TACC2: variants seen among roughly 807,000 people sequenced by gnomAD.
The protein encoded by TACC2 is transforming acidic coiled-coil containing protein 2, also known as transforming acidic coiled-coil-containing protein 2.
TACC2 carries 137 observed loss-of-function variants against 227.3 expected under a neutral mutation model. The ratio of observed to expected loss-of-function variants is 0.60; its 90% CI spans 0.52 to 0.69. The LOEUF (loss-of-function observed/expected upper bound fraction) is 0.69. Among genes scored for constraint, TACC2 ranks in the 30% least tolerant of loss-of-function variants. TACC2 has a pLI of 0.00. For synonymous variants in TACC2, 1,523 were observed against 1,487.5 expected, an observed-to-expected ratio of 1.02 and a Z score of -0.55; for missense variants, 3,470 against 3,694.4, an observed-to-expected ratio of 0.94 and a Z score of 1.57.
intron 3 of TACC2, among the ~76,000 whole-genome samples, chr10:122,055,294 T>C (rs1442647990): frequency 6.6e-6 from 1 of 151,442 alleles, no homozygotes; most frequent in Admixed American, 6.6e-5. Flanking sequence ...GTTACACGTG[T>C]GGGGTAGAGC....
intron 2 of TACC2, among the ~76,000 whole-genome samples, chr10:122,044,260 G>A (rs1026423424): frequency 6.6e-6 from 1 of 152,226 alleles, no homozygotes; most frequent in Admixed American, 6.5e-5. Context: ...CAGAGTGCCT[G>A]CTAGGTTAGG....
intron 5 of TACC2, among the ~76,000 whole-genome samples, chr10:122,106,992 CT>C (rs766692823): frequency 1.3e-5 from 2 of 152,226 alleles, no homozygotes; most frequent in Non-Finnish European, 2.9e-5. Flanking sequence ...AGGAAGACCC[CT>C]GATGGTCAGG....
chr10:122,214,721 G>A (rs965427977), intron 9 of TACC2, among the ~76,000 whole-genome samples: 10 of 152,062 alleles, frequency 6.6e-5, no homozygotes, highest in African/African-American at 2.4e-4. Flanking sequence ...TCTCAGCCCC[G>A]CTATTCATAT....
At chr10:122,041,484 T>C (rs1185748897) in intron 2 of TACC2, among the ~76,000 whole-genome samples, 1 of 151,916 alleles carries the variant, frequency 6.6e-6, no homozygotes, top group Non-Finnish European at 1.5e-5. Context: ...TCCTGCTTTG[T>C]CACCCAGGCT....
intron 7 of TACC2, among the ~76,000 whole-genome samples, chr10:122,156,735 T>A (rs187466529): frequency 3.9e-4 from 60 of 152,324 alleles, no homozygotes; most frequent in African/African-American, 1.4e-3. Flanking sequence ...CTCCATGACA[T>A]CCTCCTCCTT....
At chr10:122,241,862 C>A in intron 18 of TACC2, 96 bp from the exon 19 acceptor site, 1 of 1,160,380 alleles carries the variant, frequency 8.6e-7, no homozygotes, top group Non-Finnish European at 1.3e-6. Context: ...GAAGTTGGGG[C>A]CCTGCTGGAC....
rs1347965580 is a variant in TACC2, at chr10:122,150,866, AC to A, written c.5834+7161del. ...CCTGCCAGCCAGCCTCTCGGCAGAT[AC>A]ATCCCGGTTGATTCTATGCCACGGA... is the stretch of plus-strand genomic sequence containing the variant. On this transcript the variant is annotated intron_variant, in intron 7 of 22. Transcript: ENST00000369005. The surrounding 1 kb of genome is among the most constrained non-coding windows in gnomAD (Gnocchi z 4.0). Among the ~76,000 whole-genome samples, 1 of 152,180 alleles carries A rather than the reference AC, an allele frequency of 6.6e-6. No homozygotes were observed. The highest frequency in any genetic ancestry group is 1.5e-5 in the Non-Finnish European group (1 of 68,028).
At chr10:122,156,593 T>A (rs909679062) in intron 7 of TACC2, among the ~76,000 whole-genome samples, 1 of 152,236 alleles carries the variant, frequency 6.6e-6, no homozygotes, top group Non-Finnish European at 1.5e-5. Context: ...GTTCTCTCTT[T>A]GAAGCCACCT....
chr10:122,193,784 G>A (rs564528517), intron 7 of TACC2, among the ~76,000 whole-genome samples: 11 of 152,324 alleles, frequency 7.2e-5, no homozygotes, highest in African/African-American at 1.2e-4. Context: ...GCTCAGGACC[G>A]TGGGCCCTTG....
At chr10:122,065,249 A>G (rs1336300739) in intron 3 of TACC2, among the ~76,000 whole-genome samples, 1 of 152,232 alleles carries the variant, frequency 6.6e-6, no homozygotes, top group East Asian at 1.9e-4. Flanking sequence ...TTGAGACCTT[A>G]TTAAAATATA....
intron 7 of TACC2, among the ~76,000 whole-genome samples, chr10:122,184,355 G>C (rs1229770699): frequency 1.3e-5 from 2 of 152,186 alleles, no homozygotes; most frequent in African/African-American, 4.8e-5. Flanking sequence ...CCAGTGCAGA[G>C]GGGGACAGCT....
intron 7 of TACC2, among the ~76,000 whole-genome samples, chr10:122,176,101 CTCTCTCTCTCTCTCTCTATATA>C (rs1341020276): frequency 9.6e-4 from 81 of 84,132 alleles, no homozygotes; most frequent in African/African-American, 3.6e-3. Context: ...CTCTCTCTCT[CTCTCTCTCTCTCTCTCTATATA>C]TATATATATA....
chr10:122,215,292 G>C lies in TACC2; in HGVS notation c.7284-99G>C, dbSNP rs2095378586. 4 of 1,101,482 alleles carry C rather than the reference G, an allele frequency of 3.6e-6. No individual in the cohort carries two copies. In the Admixed American group the frequency reaches 5.1e-5, roughly 14 times the overall value. 68.2% of individuals were successfully genotyped at this position (1,101,482 alleles called of 1,614,324 possible). On this transcript the variant is annotated intron_variant, in intron 9 of 22. Coordinates refer to ENST00000369005, the MANE Select transcript of TACC2 (RefSeq NM_206862.4). ...AGAGGTGGGAGGGTGGCCTGGGCCAGATGGCTCCGCAGAGGCAGTAGCTTC... is the reference window on the plus strand; with the variant it reads ...AGAGGTGGGAGGGTGGCCTGGGCCACATGGCTCCGCAGAGGCAGTAGCTTC...
chr10:122,053,497 C>T (rs2075920226), intron 3 of TACC2, among the ~76,000 whole-genome samples: 1 of 152,188 alleles, frequency 6.6e-6, no homozygotes, highest in Admixed American at 6.5e-5. Context: ...GAGCCTGGTG[C>T]ATTGAGACCA....
chr10:122,071,066 C>A (rs1488433291), intron 3 of TACC2, among the ~76,000 whole-genome samples: 2 of 152,196 alleles, frequency 1.3e-5, no homozygotes, highest in African/African-American at 4.8e-5. Context: ...CCATGAAGCA[C>A]TAGCAAGGGC....
chr10:122,246,341 C>G (rs2096118597), intron 19 of TACC2: 2 of 152,140 alleles, frequency 1.3e-5, no homozygotes, highest in African/African-American at 4.8e-5. Flanking sequence ...GGAGCTGAAA[C>G]CGAGGAAATG....
At position 122,249,500 on chromosome 10, in the gene TACC2, T is replaced by C. The variant is rs764499139; in HGVS notation, c.8661-44T>C. Reference sequence around the variant, plus strand: ...CCTGGGAAGCAGGAGGTGTCTCTAGTGATCCACAAAAGAGTGATAATTCTG... The same window carrying C: ...CCTGGGAAGCAGGAGGTGTCTCTAGCGATCCACAAAAGAGTGATAATTCTG... On this transcript the variant is annotated intron_variant, in intron 21 of 22. Coordinates refer to ENST00000369005, the MANE Select transcript of TACC2 (RefSeq NM_206862.4). 5.6e-6 allele frequency: 9 copies of C among 1,601,198 alleles called. No individual in the cohort carries two copies. The Admixed American group carries it at 6.7e-5, about 12-fold the overall frequency.
In TACC2 at chr10:122,189,212, A is replaced by C. The variant is rs181571390; in HGVS notation, c.5835-5828A>C. On this transcript the variant is annotated intron_variant, in intron 7 of 22. Coordinates refer to ENST00000369005, the MANE Select transcript of TACC2 (RefSeq NM_206862.4). ...GGGGAAAGCTTTTATTGGCAAGACT[A>C]TCTGAAGGTCTCATTCAGCGGAATA... Among the ~76,000 whole-genome samples, 3 of 152,264 alleles carry C rather than the reference A, an allele frequency of 2.0e-5. No homozygotes were observed. In the East Asian group the frequency reaches 5.8e-4, roughly 29 times the overall value.
chr10:122,165,341 T>C (rs2093093277), intron 7 of TACC2, among the ~76,000 whole-genome samples: 1 of 152,160 alleles, frequency 6.6e-6, no homozygotes, highest in East Asian at 1.9e-4. Flanking sequence ...ACTGGCCAAC[T>C]CTCACGGCTC....
Sources: gnomAD v4.1 joint callset for allele counts (sites outside exome capture counted in the v4.1 genomes callset) on GRCh38, gnomAD v4.1.1 for gene constraint, Gnocchi (gnomAD v3.1) non-coding constraint, MANE v1.5 for transcripts, NCBI Gene and HGNC (gene_info 2026-07-23, HGNC 2026-07-21) for gene names.